PLCB1: variants seen among roughly 807,000 people sequenced by gnomAD.
PLCB1 encodes the protein phospholipase C beta 1, also known as 1-phosphatidylinositol 4,5-bisphosphate phosphodiesterase beta-1.
In PLCB1, 46 loss-of-function variants were observed where a neutral mutation model predicts 161.8. The observed-to-expected ratio is 0.28, with a 90% confidence interval of 0.22 to 0.36. The LOEUF (loss-of-function observed/expected upper bound fraction) is 0.36. PLCB1 is among the 10% of genes least tolerant of loss of function. The pLI is 1.00. For missense variants in PLCB1, 1,016 were observed against 1,472.5 expected (o/e 0.69, Z 5.07); for synonymous variants, 517 against 503.7 (o/e 1.03, Z -0.35).
chr20:8,612,253 G>A (rs544889437), intron 3 of PLCB1, among the ~76,000 whole-genome samples: 6 of 152,258 alleles, frequency 3.9e-5, no homozygotes, highest in African/African-American at 1.4e-4. Flanking sequence ...TATGTTTATG[G>A]TATTGGTAGA....
At chr20:8,732,984 A>T (rs1049550942) in intron 18 of PLCB1, among the ~76,000 whole-genome samples, 2 of 151,474 alleles carry the variant, frequency 1.3e-5, no homozygotes, top group African/African-American at 4.8e-5. Flanking sequence ...AAATGAAATC[A>T]ATATACTGTA....
intron 3 of PLCB1, among the ~76,000 whole-genome samples, chr20:8,397,103 T>A (rs1600372866): frequency 1.3e-5 from 2 of 152,174 alleles, no homozygotes; most frequent in East Asian, 3.9e-4. Context: ...TTCTTTCATG[T>A]ATATCTGTTT....
intron 2 of PLCB1, among the ~76,000 whole-genome samples, chr20:8,315,063 G>A (rs1382175512): frequency 1.3e-5 from 2 of 152,124 alleles, no homozygotes. Context: ...GATATAAAGT[G>A]GGGGAGAGCA....
At chr20:8,254,486 C>T (rs752445733) in intron 2 of PLCB1, among the ~76,000 whole-genome samples, 21 of 151,734 alleles carry the variant, frequency 1.4e-4, no homozygotes, top group African/African-American at 3.4e-4. Flanking sequence ...AAGGTAATTA[C>T]GAAGACACTG....
At chr20:8,279,505 T>A (rs1422002394) in intron 2 of PLCB1, among the ~76,000 whole-genome samples, 1 of 152,220 alleles carries the variant, frequency 6.6e-6, no homozygotes, top group Non-Finnish European at 1.5e-5. Context: ...TATGGGATGA[T>A]GAAAAATGTT....
intron 2 of PLCB1, among the ~76,000 whole-genome samples, chr20:8,278,292 T>A (rs946412987): frequency 1.2e-4 from 17 of 146,630 alleles, no homozygotes; most frequent in Non-Finnish European, 2.2e-4. Flanking sequence ...TATATTTATA[T>A]AATATATAAA....
chr20:8,159,621 CCT>C (rs2051600014), intron 2 of PLCB1, among the ~76,000 whole-genome samples: 1 of 152,118 alleles, frequency 6.6e-6, no homozygotes. Flanking sequence ...ACTTTTATGC[CCT>C]GTTTCCCTTA....
intron 2 of PLCB1, among the ~76,000 whole-genome samples, chr20:8,270,894 C>G (rs1982248698): frequency 6.6e-6 from 1 of 152,098 alleles, no homozygotes; most frequent in Admixed American, 6.6e-5. Flanking sequence ...TATGGAGCCA[C>G]TGTTACATAA....
chr20:8,267,805 A>G (rs1186234628), intron 2 of PLCB1, among the ~76,000 whole-genome samples: 3 of 152,006 alleles, frequency 2.0e-5, no homozygotes, highest in Non-Finnish European at 4.4e-5. Context: ...CACCCTATGT[A>G]AATAAAGGAG....
intron 2 of PLCB1, among the ~76,000 whole-genome samples, chr20:8,211,858 G>T (rs1487716370): frequency 6.6e-6 from 1 of 151,764 alleles, no homozygotes; most frequent in Non-Finnish European, 1.5e-5. Flanking sequence ...ATCTTTCCTG[G>T]GTTAAAATAA....
At chr20:8,174,086 A>G (rs1172123546) in intron 2 of PLCB1, among the ~76,000 whole-genome samples, 1 of 152,210 alleles carries the variant, frequency 6.6e-6, no homozygotes, top group Non-Finnish European at 1.5e-5. Flanking sequence ...ATTTGAATAA[A>G]TCATGGCTGA....
At chr20:8,793,778 C>A (rs4440038) in intron 31 of PLCB1, among the ~76,000 whole-genome samples, 3 of 151,854 alleles carry the variant, frequency 2.0e-5, no homozygotes, top group East Asian at 1.9e-4. Flanking sequence ...CAGTAGACAG[C>A]GTTTTGAGAT....
intron 31 of PLCB1, among the ~76,000 whole-genome samples, chr20:8,808,602 A>G (rs958286374): frequency 6.6e-6 from 1 of 152,210 alleles, no homozygotes; most frequent in African/African-American, 2.4e-5. Context: ...GTAGAAAACT[A>G]TCATCTATTT....
chr20:8,673,746 A>G (rs576970386), intron 9 of PLCB1, among the ~76,000 whole-genome samples: 1 of 152,336 alleles, frequency 6.6e-6, no homozygotes, highest in South Asian at 2.1e-4. Context: ...CACTCACAAT[A>G]TAAATTAATA....
At chr20:8,527,110 T>C (rs903627400) in intron 3 of PLCB1, among the ~76,000 whole-genome samples, 1 of 152,146 alleles carries the variant, frequency 6.6e-6, no homozygotes, top group African/African-American at 2.4e-5. Flanking sequence ...TCAGCCATAC[T>C]AGCCCTGTAA....
intron 31 of PLCB1, among the ~76,000 whole-genome samples, chr20:8,793,094 C>T (rs1983844116): frequency 6.6e-6 from 1 of 152,066 alleles, no homozygotes; most frequent in Non-Finnish European, 1.5e-5. Flanking sequence ...GGGAAATTAG[C>T]AAAAGCAGAA....
intron 2 of PLCB1, among the ~76,000 whole-genome samples, chr20:8,250,288 C>T (rs1391811789): frequency 6.6e-6 from 1 of 151,894 alleles, no homozygotes; most frequent in African/African-American, 2.4e-5. Context: ...TTTAGTGTTT[C>T]CCATTTAATA....
chr20:8,571,536 T>C (rs1292176232), intron 3 of PLCB1, among the ~76,000 whole-genome samples: 2 of 152,046 alleles, frequency 1.3e-5, no homozygotes, highest in South Asian at 4.2e-4. Flanking sequence ...GTTTATAAGA[T>C]GGCTTGTGGA....
intron 2 of PLCB1, among the ~76,000 whole-genome samples, chr20:8,343,017 GCTGTTCA>G (rs1568639410): frequency 2.0e-5 from 3 of 152,184 alleles, no homozygotes; most frequent in South Asian, 4.1e-4. Context: ...TGAGGGAGAA[GCTGTTCA>G]CTAATCGCCC....
Sources: allele counts gnomAD v4.1 joint callset (sites outside exome capture counted in the v4.1 genomes callset), GRCh38; gene constraint gnomAD v4.1.1; transcripts MANE v1.5; gene names NCBI Gene and HGNC (gene_info 2026-07-23, HGNC 2026-07-21).